SESN2: variants seen among roughly 807,000 people sequenced by gnomAD.
SESN2 encodes sestrin-2.
A neutral mutation model predicts 56.0 loss-of-function variants in SESN2; 42 were observed. The ratio of observed to expected loss-of-function variants is 0.75; its 90% confidence interval spans 0.59 to 0.97. The LOEUF is 0.97. Among genes scored for constraint, SESN2 ranks in the 50% least tolerant of loss-of-function variants. SESN2 has a pLI of 0.00. For synonymous variants in SESN2, 264 were observed against 267.1 expected (o/e 0.99, Z 0.11); for missense variants, 507 against 649.4 (o/e 0.78, Z 2.38).
rs995110328 is a variant in SESN2, at chr1:28,277,714, A to G, written c.1212-1383A>G. Among the ~76,000 whole-genome samples, 28 of 152,174 alleles carry G rather than the reference A, an allele frequency of 1.8e-4. 1 individual carries two copies. Among genetic ancestry groups the G allele is most frequent in the African/African-American group, 6.3e-4 (26 of 41,520 alleles). ...CCAAACACCAAAAAATTATCCCCCA[A>G]TTTTAAAAAAGGTACGTGCTCCTTG... On this transcript the variant is annotated intron_variant, in intron 8 of 9. Coordinates refer to ENST00000253063, the MANE Select transcript of SESN2 (RefSeq NM_031459.5).
chr1:28,269,995 A>C (rs1282137876), intron 2 of SESN2, among the ~76,000 whole-genome samples: 1 of 152,218 alleles, frequency 6.6e-6, no homozygotes, highest in African/African-American at 2.4e-5. Flanking sequence ...GTTACCTTCA[A>C]AACATGCAGA....
intron 2 of SESN2, among the ~76,000 whole-genome samples, chr1:28,270,665 A>C (rs1025152118): frequency 6.6e-6 from 1 of 151,584 alleles, no homozygotes; most frequent in Admixed American, 6.6e-5. Context: ...TCTGCCTCCC[A>C]GGTTCAAGCA....
chr1:28,259,548 A>G lies in SESN2; in HGVS notation c.-300A>G, dbSNP rs1647295998. On this transcript the variant is annotated 5_prime_UTR_variant, in exon 1 of 10. Transcript: ENST00000253063. ...CAGTTCCGCGGCGGGGATGCTGAGG[A>G]GCGCTGGGTCCGGGAGCAGCCCTGG... 3.1e-6 allele frequency: 1 copy of G among 319,514 alleles called. No homozygotes were observed. The highest frequency in any genetic ancestry group is 1.4e-4 in the South Asian group (1 of 7,302). The allele number at this position is 319,514 out of a possible 1,614,324, so 19.8% of individuals were successfully genotyped here. A position where few individuals can be genotyped will look rare whatever the true frequency, so the allele number is the denominator to read the frequency against.
chr1:28,262,553 C>G (rs1276888236), intron 1 of SESN2, among the ~76,000 whole-genome samples: 1 of 132,082 alleles, frequency 7.6e-6, no homozygotes, highest in Non-Finnish European at 1.5e-5. Flanking sequence ...GCCTGGGAGG[C>G]GGAGGTTGCA....
chr1:28,264,329 A>G (rs1353385917), intron 1 of SESN2, among the ~76,000 whole-genome samples: 3 of 152,084 alleles, frequency 2.0e-5, no homozygotes, highest in African/African-American at 7.2e-5. Flanking sequence ...AAAGAAAAAA[A>G]GAAAAAAAAA....
chr1:28,274,141 C>G lies in SESN2; in HGVS notation c.1003C>G (p.Pro335Ala), dbSNP rs374292473. The G allele has an allele frequency of 6.2e-7, 1 of 1,612,698 alleles. No homozygotes were observed. Among genetic ancestry groups the G allele is most frequent in the Non-Finnish European group, 8.5e-7 (1 of 1,178,720 alleles). The change falls in exon 7 of 10, where the codon CCT (proline) becomes GCT (alanine). Residue 335 changes from proline (P) to alanine (A), a missense_variant. Physicochemically the swap from Pro to Ala is conservative, Grantham distance 27. Coordinates refer to ENST00000253063, the MANE Select transcript of SESN2 (RefSeq NM_031459.5). The part of the protein sequence containing the change: ...DFTRRGAQAP[P>A]TFRAQDYTWE... ...CACTCGGAGAGGGGCTCAGGCACCCCCTACCTTCCGGGCCCAGGTAGGGCT... is the reference window on the plus strand; with the variant it reads ...CACTCGGAGAGGGGCTCAGGCACCCGCTACCTTCCGGGCCCAGGTAGGGCT...
intron 1 of SESN2, among the ~76,000 whole-genome samples, chr1:28,265,280 G>T (rs553931694): frequency 5.9e-5 from 9 of 152,174 alleles, no homozygotes; most frequent in Admixed American, 4.6e-4. Flanking sequence ...TGTCAGGATC[G>T]GGGAAGCATT....
chr1:28,265,675 G>C (rs775406081), intron 1 of SESN2, among the ~76,000 whole-genome samples: 3 of 152,144 alleles, frequency 2.0e-5, no homozygotes, highest in Admixed American at 1.3e-4. Flanking sequence ...GATTTCAGGC[G>C]TGAGCCACTG....
chr1:28,260,176 C>T (rs555368513), intron 1 of SESN2, among the ~76,000 whole-genome samples: 61 of 148,860 alleles, frequency 4.1e-4, no homozygotes, highest in Non-Finnish European at 5.5e-4. Context: ...CTCCCCCTCT[C>T]CCTCACCGCC....
chr1:28,279,326 C>T, intron 9 of SESN2, 85 bp downstream of exon 9: 5 of 1,432,600 alleles, frequency 3.5e-6, no homozygotes, highest in Non-Finnish European at 4.8e-6. Flanking sequence ...AGTGAGAGTC[C>T]CCAGACTGAG....
chr1:28,264,329 A>AG (rs1647486140), intron 1 of SESN2, among the ~76,000 whole-genome samples: 1 of 152,084 alleles, frequency 6.6e-6, no homozygotes, highest in Admixed American at 6.6e-5. Flanking sequence ...AAAGAAAAAA[A>AG]GAAAAAAAAA....
At chr1:28,262,057 C>T (rs747348297) in intron 1 of SESN2, among the ~76,000 whole-genome samples, 5 of 151,970 alleles carry the variant, frequency 3.3e-5, no homozygotes, top group South Asian at 2.1e-4. Flanking sequence ...CTGAGATTAC[C>T]GGCATGAGCC....
At chr1:28,272,076 C>G (rs1444530224) in intron 3 of SESN2, among the ~76,000 whole-genome samples, 1 of 152,104 alleles carries the variant, frequency 6.6e-6, no homozygotes, top group Non-Finnish European at 1.5e-5. Flanking sequence ...ATCGTTAGTG[C>G]TTGTGTTAGG....
intron 1 of SESN2, among the ~76,000 whole-genome samples, chr1:28,267,747 T>G (rs577057482): frequency 6.6e-6 from 1 of 152,270 alleles, no homozygotes; most frequent in East Asian, 1.9e-4. Context: ...TATTAGTGGT[T>G]TCTAAAGAGG....
In SESN2 at chr1:28,282,345, G is replaced by A. The variant is rs1028903777; in HGVS notation, c.*1543G>A. 6.6e-6 allele frequency: 1 copy of A among 152,264 alleles called. No individual in the cohort carries two copies. The allele number at this position is 152,264 out of a possible 1,614,324, so 9.4% of individuals were successfully genotyped here. The stretch of plus-strand genomic sequence containing the variant: ...AGGAGAGAAGAGGCCCCGGCATGGG[G>A]ATCTGGGTTCTAGAGGGCATGTGAT... On this transcript the variant is annotated 3_prime_UTR_variant, in exon 10 of 10. Transcript: ENST00000253063.
chr1:28,280,707 G>T lies in SESN2; in HGVS notation c.1357-9G>T, dbSNP rs768064658. On this transcript the variant is annotated splice_polypyrimidine_tract_variant and intron_variant, in intron 9 of 9. Coordinates refer to ENST00000253063, the MANE Select transcript of SESN2 (RefSeq NM_031459.5). ...ATCAGTTGCCAACATGCCTTCCTCT[G>T]TGCCCCAGGTCCACGTGAACTTGCT... 2.5e-6 allele frequency: 4 copies of T among 1,611,574 alleles called. No individual in the cohort carries two copies. The highest frequency in any genetic ancestry group is 3.4e-6 in the Non-Finnish European group (4 of 1,178,956).
intron 6 of SESN2, 38 bp downstream of exon 6, chr1:28,273,546 C>A: frequency 6.7e-7 from 1 of 1,502,294 alleles, no homozygotes; most frequent in South Asian, 1.3e-5. Flanking sequence ...CGTGGCTGCT[C>A]CTTCTTAGGC....
At position 28,275,016 on chromosome 1, in the gene SESN2, G is replaced by T. The variant is rs1647981041; in HGVS notation, c.1211+1G>T. On this transcript the variant is annotated splice_donor_variant, in intron 8 of 9. Coordinates refer to ENST00000253063, the MANE Select transcript of SESN2 (RefSeq NM_031459.5). LOFTEE classifies it high-confidence loss of function. ...ATATCCACTGCGTCTTTGGCATCAG[G>T]TGAGCTCATATCCCTTCATTTGGGG... 10 of 1,610,382 alleles carry T rather than the reference G, an allele frequency of 6.2e-6. No individual in the cohort carries two copies. Among genetic ancestry groups the T allele is most frequent in the Non-Finnish European group, 8.5e-6 (10 of 1,177,076 alleles).
chr1:28,259,543 T>A lies in SESN2; in HGVS notation c.-305T>A, dbSNP rs932024352. The A allele has an allele frequency of 2.5e-4, 77 of 313,032 alleles. No individual in the cohort carries two copies. Among genetic ancestry groups the A allele is most frequent in the Middle Eastern group, 8.2e-4 (1 of 1,216 alleles). 19.4% of individuals were successfully genotyped at this position (313,032 alleles called of 1,614,324 possible). On this transcript the variant is annotated 5_prime_UTR_variant, in exon 1 of 10. Coordinates refer to ENST00000253063, the MANE Select transcript of SESN2 (RefSeq NM_031459.5). ...GCTGGCAGTTCCGCGGCGGGGATGC[T>A]GAGGAGCGCTGGGTCCGGGAGCAGC...
Sources: gnomAD v4.1 joint callset for allele counts (sites outside exome capture counted in the v4.1 genomes callset) on GRCh38, gnomAD v4.1.1 for gene constraint, MANE v1.5 for transcripts, NCBI Gene and HGNC (gene_info 2026-07-23, HGNC 2026-07-21) for gene names.